HDAC9: variants seen among roughly 807,000 people sequenced by gnomAD.
The protein encoded by HDAC9 is histone deacetylase 9, also known as MEF-2 interacting transcription repressor (MITR) protein.
Under a neutral mutation model 139.4 loss-of-function variants are expected in HDAC9, and 41 were observed. The observed-to-expected ratio is 0.29, with a 90% confidence interval of 0.23 to 0.38. The LOEUF (loss-of-function observed/expected upper bound fraction) is 0.38, where lower values mean the gene tolerates loss of function less well. Ranked by LOEUF, HDAC9 falls within the 10% of genes least tolerant of loss-of-function variation. The probability of loss-of-function intolerance (pLI) is 1.00; values close to 1 mark genes in which losing one functional copy is unlikely to be tolerated. For synonymous variants in HDAC9, 517 were observed against 476.2 expected, an observed-to-expected ratio of 1.09 and a Z score of -1.12; for missense variants, 1,147 against 1,297.0, an observed-to-expected ratio of 0.88 and a Z score of 1.78.
At chr7:18,928,412 A>G (rs1160383509) in intron 22 of HDAC9, among the ~76,000 whole-genome samples, 1 of 152,246 alleles carries the variant, frequency 6.6e-6, no homozygotes, top group Non-Finnish European at 1.5e-5. Flanking sequence ...GTTCTAGCCC[A>G]TGCTCTGGTG....
chr7:18,330,305 G>A (rs1258650666), intron 1 of HDAC9, among the ~76,000 whole-genome samples: 1 of 151,338 alleles, frequency 6.6e-6, no homozygotes, highest in Non-Finnish European at 1.5e-5. Flanking sequence ...TTAGATATTT[G>A]CCGGAAATCT....
At chr7:18,949,428 A>C (rs976447821) in intron 23 of HDAC9, 1 of 241,138 alleles carries the variant, frequency 4.1e-6, no homozygotes, top group Non-Finnish European at 8.4e-6. Context: ...GCTGCCCATT[A>C]ATATGCACTG....
At chr7:18,991,866 A>G (rs539686451) in intron 25 of HDAC9, among the ~76,000 whole-genome samples, 43 of 152,330 alleles carry the variant, frequency 2.8e-4, no homozygotes, top group African/African-American at 9.1e-4. Flanking sequence ...TATAAGGTCA[A>G]TGGAGAATGT....
intron 2 of HDAC9, among the ~76,000 whole-genome samples, chr7:18,217,035 A>G (rs934153606): frequency 6.6e-6 from 1 of 152,104 alleles, no homozygotes; most frequent in Non-Finnish European, 1.5e-5. Context: ...ATATTTTTCC[A>G]TTCCTTCAAT....
intron 6 of HDAC9, among the ~76,000 whole-genome samples, chr7:18,601,397 G>A (rs750411868): frequency 5.3e-5 from 8 of 151,966 alleles, no homozygotes; most frequent in Non-Finnish European, 7.4e-5. Flanking sequence ...TTTCTGCATA[G>A]ACGATGTGAT....
At chr7:18,165,236 A>C (rs1472688550) in intron 2 of HDAC9, among the ~76,000 whole-genome samples, 1 of 152,186 alleles carries the variant, frequency 6.6e-6, no homozygotes, top group Non-Finnish European at 1.5e-5. Context: ...AAAAATACAG[A>C]TTTCCAGACT....
chr7:18,101,654 T>G (rs889326247), intron 1 of HDAC9, among the ~76,000 whole-genome samples: 1 of 152,242 alleles, frequency 6.6e-6, no homozygotes, highest in African/African-American at 2.4e-5. Context: ...TTAATTAACA[T>G]TTTATATTAC....
chr7:18,979,286 C>CA (rs1478861788), intron 25 of HDAC9, among the ~76,000 whole-genome samples: 1 of 152,006 alleles, frequency 6.6e-6, no homozygotes, highest in African/African-American at 2.4e-5. Flanking sequence ...CCAATGACAT[C>CA]AAAAACCCCA....
At chr7:18,905,386 G>A (rs1802139211) in intron 22 of HDAC9, among the ~76,000 whole-genome samples, 1 of 152,322 alleles carries the variant, frequency 6.6e-6, no homozygotes, top group African/African-American at 2.4e-5. Flanking sequence ...AGCTAGATAA[G>A]CTAAATTCAA....
rs1586034124 is a variant in HDAC9, at chr7:18,455,717, T to TATGTTTCTA, written c.-41-40545_-41-40544insATGTTTCTA. On this transcript the variant is annotated intron_variant, in intron 1 of 3. Coordinates refer to the HDAC9 transcript ENST00000413509. ...CCAATAGATTCACAGCACAGTTGGG[T>TATGTTTCTA]CACAAATTATGTTTCTAAATTTAGA... Among the ~76,000 whole-genome samples, 3 of 152,276 alleles carry TATGTTTCTA rather than the reference T, an allele frequency of 2.0e-5. No homozygotes were observed. In the East Asian group the frequency reaches 5.8e-4, roughly 29 times the overall value.
intron 22 of HDAC9, among the ~76,000 whole-genome samples, chr7:18,887,372 TG>T (rs1341425669): frequency 6.6e-6 from 1 of 152,154 alleles, no homozygotes; most frequent in Non-Finnish European, 1.5e-5. Context: ...GGCTAGTGAT[TG>T]AAAAAAAGGA....
intron 1 of HDAC9, among the ~76,000 whole-genome samples, chr7:18,094,890 C>T (rs775805759): frequency 1.3e-5 from 2 of 152,104 alleles, no homozygotes; most frequent in South Asian, 2.1e-4. Flanking sequence ...AATACATCGA[C>T]GTGTAAAGAA....
At chr7:18,423,393 G>A (rs1343828383) in intron 1 of HDAC9, among the ~76,000 whole-genome samples, 1 of 152,038 alleles carries the variant, frequency 6.6e-6, no homozygotes, top group Non-Finnish European at 1.5e-5. Flanking sequence ...CTTAGTTTCT[G>A]GTATTAGAAA....
At chr7:18,249,459 TGCCA>T (rs1201518844) in intron 2 of HDAC9, among the ~76,000 whole-genome samples, 2 of 127,162 alleles carry the variant, frequency 1.6e-5, no homozygotes, top group African/African-American at 6.0e-5. Context: ...GCTGAGATCA[TGCCA>T]CTGCACTCCA....
intron 1 of HDAC9, among the ~76,000 whole-genome samples, chr7:18,354,028 C>A (rs1476786617): frequency 2.0e-5 from 3 of 151,942 alleles, no homozygotes; most frequent in Admixed American, 2.0e-4. Context: ...TTAAATTAAA[C>A]CATTTGGGAC....
At chr7:18,313,553 C>T (rs970239161) in intron 1 of HDAC9, among the ~76,000 whole-genome samples, 6 of 152,176 alleles carry the variant, frequency 3.9e-5, no homozygotes, top group East Asian at 1.9e-4. Context: ...TAGTCAAGCT[C>T]GGAATTCAGG....
intron 1 of HDAC9, among the ~76,000 whole-genome samples, chr7:18,484,853 TAA>T (rs71553929): frequency 2.6e-4 from 36 of 139,222 alleles, no homozygotes; most frequent in Non-Finnish European, 2.5e-4. Flanking sequence ...ACCCCACCTG[TAA>T]AAAAAAAAAA....
chr7:18,286,927 G>A (rs894375155), upstream of HDAC9, among the ~76,000 whole-genome samples: 16 of 152,050 alleles, frequency 1.1e-4, no homozygotes, highest in African/African-American at 3.9e-4. Context: ...TCCTGTGTGG[G>A]CTCTGACTAT....
intron 2 of HDAC9, among the ~76,000 whole-genome samples, chr7:18,180,005 C>T (rs1222553599): frequency 1.3e-5 from 2 of 152,136 alleles, no homozygotes; most frequent in East Asian, 3.8e-4. Context: ...CTAAAACCAT[C>T]ATCTCCCAGC....
Sources: allele counts gnomAD v4.1 joint callset (sites outside exome capture counted in the v4.1 genomes callset), GRCh38; gene constraint gnomAD v4.1.1; transcripts MANE v1.5; gene names NCBI Gene and HGNC (gene_info 2026-07-23, HGNC 2026-07-21).